CLOCK: variants seen among roughly 807,000 people sequenced by gnomAD.
CLOCK encodes the protein circadian locomoter output cycles protein kaput.
A neutral mutation model predicts 118.4 loss-of-function variants in CLOCK; 43 were observed. The observed-to-expected ratio is 0.36, with a 90% CI of 0.28 to 0.47. The LOEUF (loss-of-function observed/expected upper bound fraction) is 0.47. Among genes scored for constraint, CLOCK ranks in the 20% least tolerant of loss-of-function variants. The probability of loss-of-function intolerance (pLI) is 1.00; values close to 1 mark genes in which losing one functional copy is unlikely to be tolerated. For missense variants in CLOCK, 846 were observed against 999.9 expected (o/e 0.85, Z 2.08); for synonymous variants, 326 against 339.2 (o/e 0.96, Z 0.43).
intron 1 of CLOCK, among the ~76,000 whole-genome samples, chr4:55,525,067 AAATGAAACAAATCTTAGT>A (rs1730090622): frequency 6.6e-6 from 1 of 152,228 alleles, no homozygotes; most frequent in Non-Finnish European, 1.5e-5. Flanking sequence ...GTTATGAATG[AAATGAAACAAATCTTAGT>A]AATGAAACAA....
At chr4:55,499,378 G>C (rs996052491) in intron 2 of CLOCK, among the ~76,000 whole-genome samples, 1 of 152,134 alleles carries the variant, frequency 6.6e-6, no homozygotes, top group African/African-American at 2.4e-5. Flanking sequence ...TGGACAGCGG[G>C]GATGGTTTCT....
intron 2 of CLOCK, among the ~76,000 whole-genome samples, chr4:55,506,680 C>T (rs1728816443): frequency 6.6e-6 from 1 of 152,062 alleles, no homozygotes; most frequent in Non-Finnish European, 1.5e-5. Context: ...CTGTCTCAGC[C>T]TCCCAAGTAG....
rs1411930430 is a variant in CLOCK, at chr4:55,428,295, T to C, written c.*7120A>G. ...TTGACTTTCTCCTCAAAGGATAGCT[T>C]TGAAAAACAAGTGTAACCAATTGTT... On this transcript the variant is annotated 3_prime_UTR_variant, in exon 23 of 23. Transcript: ENST00000513440. 2 of 152,172 alleles carry C rather than the reference T, an allele frequency of 1.3e-5. No homozygotes were observed. Among genetic ancestry groups the C allele is most frequent in the Non-Finnish European group, 2.9e-5 (2 of 68,026 alleles). 9.4% of individuals were successfully genotyped at this position (152,172 alleles called of 1,614,324 possible).
In CLOCK at chr4:55,542,647, G is replaced by T. The variant is rs191291204; in HGVS notation, c.-290+4135C>A. On this transcript the variant is annotated intron_variant, in intron 1 of 22. Transcript: ENST00000513440. ...GAGGAGAGGGTAGTGCATATTAGTTGTTTGTTGTCAGTTAAGCAAAAGCCA... is the reference window on the plus strand; with the variant it reads ...GAGGAGAGGGTAGTGCATATTAGTTTTTTGTTGTCAGTTAAGCAAAAGCCA... Among the ~76,000 whole-genome samples, 829 of 152,040 alleles carry T rather than the reference G, an allele frequency of 5.5e-3. 2 individuals are homozygous for T. The highest frequency in any genetic ancestry group is 9.0e-3 in the Non-Finnish European group (610 of 67,990).
At chr4:55,528,952 G>T (rs1730371684) in intron 1 of CLOCK, among the ~76,000 whole-genome samples, 1 of 152,150 alleles carries the variant, frequency 6.6e-6, no homozygotes, top group African/African-American at 2.4e-5. Context: ...AACAAGAGAT[G>T]CTCCAACTAT....
intron 1 of CLOCK, among the ~76,000 whole-genome samples, chr4:55,511,012 T>C (rs529475439): frequency 6.6e-6 from 1 of 152,238 alleles, no homozygotes; most frequent in East Asian, 1.9e-4. Context: ...AAACTAAAAG[T>C]TCCTAGAGAG....
At chr4:55,517,434 C>T (rs1485745239) in intron 1 of CLOCK, among the ~76,000 whole-genome samples, 2 of 152,074 alleles carry the variant, frequency 1.3e-5, no homozygotes, top group South Asian at 2.1e-4. Flanking sequence ...CACTTGAACC[C>T]GGGAGGCAGA....
intron 21 of CLOCK, among the ~76,000 whole-genome samples, chr4:55,441,852 TA>T (rs1422019779): frequency 6.6e-6 from 1 of 152,202 alleles, no homozygotes; most frequent in Admixed American, 6.5e-5. Flanking sequence ...CTTCCTGTAA[TA>T]TATGCTTAAG....
intron 1 of CLOCK, among the ~76,000 whole-genome samples, chr4:55,517,582 C>G (rs964497265): frequency 6.6e-6 from 1 of 152,168 alleles, no homozygotes; most frequent in Admixed American, 6.5e-5. Context: ...TTTTGTGTCT[C>G]TATAAAGAAT....
At chr4:55,462,070 T>C (rs1725379866) in intron 9 of CLOCK, among the ~76,000 whole-genome samples, 1 of 152,246 alleles carries the variant, frequency 6.6e-6, no homozygotes. Flanking sequence ...AGAACTCTTT[T>C]GTATATCACT....
At chr4:55,473,176 T>C (rs954369047) in intron 7 of CLOCK, among the ~76,000 whole-genome samples, 11 of 152,142 alleles carry the variant, frequency 7.2e-5, no homozygotes, top group African/African-American at 2.7e-4. Flanking sequence ...AGTGGGCAGA[T>C]TGTGCCACTG....
At position 55,433,543 on chromosome 4, in the gene CLOCK, T is replaced by C. The variant is rs1722661699; in HGVS notation, c.*1872A>G. 6.6e-6 allele frequency: 1 copy of C among 152,220 alleles called. No individual in the cohort carries two copies. The highest frequency in any genetic ancestry group is 1.5e-5 in the Non-Finnish European group (1 of 68,028). 9.4% of individuals were successfully genotyped at this position (152,220 alleles called of 1,614,324 possible). On this transcript the variant is annotated 3_prime_UTR_variant, in exon 23 of 23. Transcript: ENST00000513440. ...TCTGCATTAGGTTAATCTTCATTAT[T>C]CAGAACCTTTTCTGTTTTAACAACC...
intron 1 of CLOCK, among the ~76,000 whole-genome samples, chr4:55,525,744 A>G (rs1408546381): frequency 6.6e-6 from 1 of 152,162 alleles, no homozygotes; most frequent in Non-Finnish European, 1.5e-5. Flanking sequence ...TGCTGGAATT[A>G]CAAGCATGAG....
intron 2 of CLOCK, among the ~76,000 whole-genome samples, chr4:55,490,568 A>G (rs1727604107): frequency 1.3e-5 from 2 of 152,116 alleles, no homozygotes; most frequent in African/African-American, 4.8e-5. Flanking sequence ...TATTAATACC[A>G]AAATCTGCAG....
intron 1 of CLOCK, among the ~76,000 whole-genome samples, chr4:55,527,150 A>G (rs1730257214): frequency 6.6e-6 from 1 of 152,174 alleles, no homozygotes; most frequent in African/African-American, 2.4e-5. Flanking sequence ...ATGGAGGGTA[A>G]AAAGACTTTA....
intron 7 of CLOCK, 62 bp downstream of exon 7, chr4:55,475,901 A>G (rs1366500975): frequency 8.7e-7 from 1 of 1,144,560 alleles, no homozygotes; most frequent in African/African-American, 1.5e-5. Context: ...CTGGATATTA[A>G]GTCACCCTGT....
At position 55,478,852 on chromosome 4, in the gene CLOCK, A is replaced by G; in HGVS notation, c.219T>C (p.Val73=). The G allele has an allele frequency of 6.2e-7, 1 of 1,613,030 alleles. No homozygotes were observed. Among genetic ancestry groups the G allele is most frequent in the Non-Finnish European group, 8.5e-7 (1 of 1,179,418 alleles). ...GNARKMDKST[V]LQKSIDFLRK... ...GTAAAAAATCAATGCTTTTCTGCAG[A>G]ACAGTAGATTTGTCCATCTTTCTAG... The change falls in exon 6 of 23, where the codon GTT becomes GTC. Residue 73 remains valine, a synonymous_variant. Transcript: ENST00000513440.
At chr4:55,509,064 T>A (rs1017606139) in intron 2 of CLOCK, among the ~76,000 whole-genome samples, 1 of 152,236 alleles carries the variant, frequency 6.6e-6, no homozygotes, top group African/African-American at 2.4e-5. Context: ...TCAAGGCAAC[T>A]GTAACACAAT....
chr4:55,435,870 C>T (rs1232686123), intron 22 of CLOCK, among the ~76,000 whole-genome samples: 1 of 152,200 alleles, frequency 6.6e-6, no homozygotes, highest in Non-Finnish European at 1.5e-5. Context: ...AAATCACACA[C>T]GTTCTTTCAC....
Sources: allele counts gnomAD v4.1 joint callset (sites outside exome capture counted in the v4.1 genomes callset), GRCh38; gene constraint gnomAD v4.1.1; transcripts MANE v1.5; gene names NCBI Gene and HGNC (gene_info 2026-07-23, HGNC 2026-07-21).